The following PYGO1 variants were observed in gnomAD, a reference collection of about 807,000 sequenced individuals.
PYGO1 encodes the protein pygopus homolog 1.
In PYGO1, 6 loss-of-function variants were observed where a neutral mutation model predicts 29.5. That is an observed-to-expected ratio of 0.20 (90% CI 0.11 to 0.40). The LOEUF is 0.40. Among genes scored for constraint, PYGO1 ranks in the 10% least tolerant of loss-of-function variants. The pLI, the probability that PYGO1 is intolerant of heterozygous loss-of-function variation, is 1.00. For missense variants in PYGO1, 515 were observed against 514.9 expected (o/e 1.00, Z 0.00); for synonymous variants, 186 against 180.5 (o/e 1.03, Z -0.24).
Position 55,545,476 on chromosome 15 carries a change from C to G in PYGO1, c.*547G>C, listed in dbSNP as rs1045272295. On this transcript the variant is annotated 3_prime_UTR_variant, in exon 3 of 3. Coordinates refer to ENST00000563719, the MANE Select transcript of PYGO1 (RefSeq NM_001367806.1). ...TCTGTACAAACAGATATCCTGAAAA[C>G]TCACTTGAAATATGAAATTCATTGA... 3 of 152,262 alleles carry G rather than the reference C, an allele frequency of 2.0e-5. No homozygotes were observed. Among genetic ancestry groups the G allele is most frequent in the African/African-American group, 7.2e-5 (3 of 41,436 alleles). 9.4% of individuals were successfully genotyped at this position (152,262 alleles called of 1,614,324 possible).
chr15:55,552,259 G>T lies in PYGO1; in HGVS notation c.50-3264C>A, dbSNP rs149512508. On this transcript the variant is annotated intron_variant, in intron 1 of 2. Coordinates refer to ENST00000563719, the MANE Select transcript of PYGO1 (RefSeq NM_001367806.1). Reference sequence around the variant, plus strand: ...AATCCCAGCTACTTGGGAGGCTAAGGCAGGGAGAATTGCTTGAGTCTGGGA... The same window carrying T: ...AATCCCAGCTACTTGGGAGGCTAAGTCAGGGAGAATTGCTTGAGTCTGGGA... 5.3e-3 allele frequency among the ~76,000 whole-genome samples: 800 copies of T among 151,418 alleles called. 3 individuals are homozygous for T. The highest frequency in any genetic ancestry group is 0.026 in the South Asian group (123 of 4,772).
Position 55,540,983 on chromosome 15 carries a change from A to C in PYGO1, c.*5040T>G, listed in dbSNP as rs1364085176. 1 of 152,156 alleles carries C rather than the reference A, an allele frequency of 6.6e-6. No homozygotes were observed. Among genetic ancestry groups the C allele is most frequent in the South Asian group, 2.1e-4 (1 of 4,824 alleles). 9.4% of individuals were successfully genotyped at this position (152,156 alleles called of 1,614,324 possible). On this transcript the variant is annotated 3_prime_UTR_variant, in exon 3 of 3. Coordinates refer to ENST00000563719, the MANE Select transcript of PYGO1 (RefSeq NM_001367806.1). Reference sequence around the variant, plus strand: ...CTTTTATAAAAGATAATATTTTGACAAACAAGCAACATCATCTACACATCT... The same window carrying C: ...CTTTTATAAAAGATAATATTTTGACCAACAAGCAACATCATCTACACATCT...
rs771420337 is a variant in PYGO1, at chr15:55,546,647, A to C, written c.636T>G (p.Phe212Leu). Reference protein sequence around the residue: ...SNFVPGNNSNFTSPLESNHSF... With the variant: ...SNFVPGNNSNLTSPLESNHSF... Reference sequence around the variant, plus strand: ...AATGATTAGATTCTAACGGAGAAGTAAAATTTGAATTATTTCCAGGAACAA... The same window carrying C: ...AATGATTAGATTCTAACGGAGAAGTCAAATTTGAATTATTTCCAGGAACAA... The change falls in exon 3 of 3, where the codon TTT becomes TTG. Residue 212 changes from phenylalanine (F) to leucine (L), a missense_variant. Transcript: ENST00000563719. The C allele has an allele frequency of 1.2e-6, 2 of 1,614,068 alleles. No homozygotes were observed. Among genetic ancestry groups the C allele is most frequent in the Non-Finnish European group, 8.5e-7 (1 of 1,180,000 alleles).
Position 55,546,946 on chromosome 15 carries a change from T to C in PYGO1, c.337A>G (p.Arg113Gly). Residue 113 changes from arginine (R) to glycine (G), a missense_variant, in exon 3 of 3, where the codon AGA becomes GGA. By Grantham distance (125) the Arg-to-Gly change is moderately radical (BLOSUM62 -2). Transcript: ENST00000563719. The part of the protein sequence containing the change: ...TFRMPPHVPP[R>G]MSSPYCGPYS... ...GGACCACAGTATGGGGAAGACATTC[T>C]TGGGGGAACGTGAGGTGGCATTCTG... The C allele has an allele frequency of 6.2e-7, 1 of 1,614,098 alleles. No individual in the cohort carries two copies. Among genetic ancestry groups the C allele is most frequent in the Non-Finnish European group, 8.5e-7 (1 of 1,179,968 alleles).
At chr15:55,578,677 C>T (rs2059013969) in intron 1 of PYGO1, among the ~76,000 whole-genome samples, 1 of 152,070 alleles carries the variant, frequency 6.6e-6, no homozygotes. Flanking sequence ...CTATTCAATC[C>T]TTTGGCCATT....
Position 55,540,784 on chromosome 15 carries a change from C to T in PYGO1, c.*5239G>A, listed in dbSNP as rs1466155178. 1 of 151,924 alleles carries T rather than the reference C, an allele frequency of 6.6e-6. No individual in the cohort carries two copies. Among genetic ancestry groups the T allele is most frequent in the Admixed American group, 6.6e-5 (1 of 15,250 alleles). The allele number at this position is 151,924 out of a possible 1,614,324, so 9.4% of individuals were successfully genotyped here. A position where few individuals can be genotyped will look rare whatever the true frequency, so the allele number is the denominator to read the frequency against. Reference sequence around the variant, plus strand: ...CTTTAGACATGTTCTAAGAACAAAACAAAAAGTTACTGCAAAAATACATGT... The same window carrying T: ...CTTTAGACATGTTCTAAGAACAAAATAAAAAGTTACTGCAAAAATACATGT... On this transcript the variant is annotated 3_prime_UTR_variant, in exon 3 of 3. Coordinates refer to ENST00000563719, the MANE Select transcript of PYGO1 (RefSeq NM_001367806.1).
At chr15:55,579,091 TCTC>T (rs1159119491) in intron 1 of PYGO1, among the ~76,000 whole-genome samples, 16 of 152,322 alleles carry the variant, frequency 1.1e-4, no homozygotes, top group African/African-American at 3.6e-4. Flanking sequence ...GAGCCAGTGC[TCTC>T]CTCAAGGTCA....
At chr15:55,588,424 C>T (rs927827322), upstream of PYGO1, among the ~76,000 whole-genome samples, 5 of 148,700 alleles carry the variant, frequency 3.4e-5, no homozygotes, top group African/African-American at 1.2e-4. Context: ...GCGGCTTCCC[C>T]GCCCTGAGCT....
At chr15:55,586,162 C>T (rs2059045341) in intron 1 of PYGO1, among the ~76,000 whole-genome samples, 1 of 152,158 alleles carries the variant, frequency 6.6e-6, no homozygotes, top group African/African-American at 2.4e-5. Flanking sequence ...ATCTCTACAT[C>T]ACTTAAGTCA....
At chr15:55,581,633 T>C (rs1360056833) in intron 1 of PYGO1, among the ~76,000 whole-genome samples, 1 of 152,214 alleles carries the variant, frequency 6.6e-6, no homozygotes, top group Non-Finnish European at 1.5e-5. Context: ...AAGCACATAC[T>C]ACTTAACCTC....
At position 55,542,444 on chromosome 15, in the gene PYGO1, A is replaced by G. The variant is rs1037916511; in HGVS notation, c.*3579T>C. On this transcript the variant is annotated 3_prime_UTR_variant, in exon 3 of 3. Transcript: ENST00000563719. The stretch of plus-strand genomic sequence containing the variant: ...TGAATAACAATTATAGCAGTACTCT[A>G]AAGTATTTCACACAAAAGGAAAACA... 1 of 152,234 alleles carries G rather than the reference A, an allele frequency of 6.6e-6. No individual in the cohort carries two copies. The highest frequency in any genetic ancestry group is 3.2e-3 in the Middle Eastern group (1 of 316). 9.4% of individuals were successfully genotyped at this position (152,234 alleles called of 1,614,324 possible).
At chr15:55,579,189 T>C (rs1595994510) in intron 1 of PYGO1, among the ~76,000 whole-genome samples, 1 of 152,182 alleles carries the variant, frequency 6.6e-6, no homozygotes, top group East Asian at 1.9e-4. Context: ...GATTGCAGAT[T>C]AATAATTTGC....
chr15:55,543,486 T>C lies in PYGO1; in HGVS notation c.*2537A>G, dbSNP rs1444806159. The stretch of plus-strand genomic sequence containing the variant: ...CAGATTCTTATTTAAGTAAGGTGCT[T>C]TGAAGACCTAAACACCTGAATAAAA... On this transcript the variant is annotated 3_prime_UTR_variant, in exon 3 of 3. Coordinates refer to ENST00000563719, the MANE Select transcript of PYGO1 (RefSeq NM_001367806.1). 1.3e-5 allele frequency: 2 copies of C among 152,162 alleles called. No homozygotes were observed. Among genetic ancestry groups the C allele is most frequent in the Non-Finnish European group, 2.9e-5 (2 of 68,000 alleles). 9.4% of individuals were successfully genotyped at this position (152,162 alleles called of 1,614,324 possible). A position where few individuals can be genotyped will look rare whatever the true frequency, so the allele number is the denominator to read the frequency against.
At chr15:55,555,080 G>T (rs2058898104) in intron 1 of PYGO1, among the ~76,000 whole-genome samples, 1 of 148,632 alleles carries the variant, frequency 6.7e-6, no homozygotes, top group Admixed American at 6.7e-5. Flanking sequence ...AGGTCAAGAT[G>T]AAAAAAAAAA....
rs578077090 is a variant in PYGO1, at chr15:55,539,977, A to G, written c.*6046T>C. The G allele has an allele frequency of 1.3e-5, 2 of 152,128 alleles. No individual in the cohort carries two copies. The highest frequency in any genetic ancestry group is 4.1e-4 in the South Asian group (2 of 4,822). 9.4% of individuals were successfully genotyped at this position (152,128 alleles called of 1,614,324 possible). On this transcript the variant is annotated 3_prime_UTR_variant, in exon 3 of 3. Coordinates refer to ENST00000563719, the MANE Select transcript of PYGO1 (RefSeq NM_001367806.1). The stretch of plus-strand genomic sequence containing the variant: ...CACAAGCCTTCATTTTTTTCTTTCA[A>G]GTGTATGATTTCAAATGTACAAATT...
At chr15:55,563,320 A>G (rs2058941265) in intron 1 of PYGO1, among the ~76,000 whole-genome samples, 1 of 151,888 alleles carries the variant, frequency 6.6e-6, no homozygotes. Context: ...CTTTTATTTC[A>G]ATATGTTTTT....
chr15:55,561,420 G>C (rs2058932253), intron 1 of PYGO1, among the ~76,000 whole-genome samples: 1 of 152,186 alleles, frequency 6.6e-6, no homozygotes, highest in Non-Finnish European at 1.5e-5. Flanking sequence ...GAGGCCTCAG[G>C]AAACTTACAA....
At chr15:55,549,678 A>C (rs2058870185) in intron 1 of PYGO1, among the ~76,000 whole-genome samples, 1 of 152,222 alleles carries the variant, frequency 6.6e-6, no homozygotes, top group Non-Finnish European at 1.5e-5. Context: ...AATGTTAAAA[A>C]TGCAACAATG....
intron 1 of PYGO1, among the ~76,000 whole-genome samples, chr15:55,573,167 G>A (rs979490889): frequency 3.9e-5 from 6 of 152,244 alleles, no homozygotes; most frequent in East Asian, 3.9e-4. Context: ...TTAGCCGGGC[G>A]TGGTAGCAGG....
Sources: allele counts gnomAD v4.1 joint callset (sites outside exome capture counted in the v4.1 genomes callset), GRCh38; gene constraint gnomAD v4.1.1; transcripts MANE v1.5; gene names NCBI Gene and HGNC (gene_info 2026-07-23, HGNC 2026-07-21).